Variants in ATRNL1 observed in about 807,000 individuals in gnomAD.
ATRNL1 encodes the protein attractin-like protein 1.
Under a neutral mutation model 182.7 loss-of-function variants are expected in ATRNL1, and 95 were observed. The ratio of observed to expected loss-of-function variants is 0.52; its 90% CI spans 0.44 to 0.62. The LOEUF (loss-of-function observed/expected upper bound fraction) is 0.62, where lower values mean the gene tolerates loss of function less well. Among genes scored for constraint, ATRNL1 ranks in the 20% least tolerant of loss-of-function variants. The probability of loss-of-function intolerance (pLI) is 0.00; values close to 1 mark genes in which losing one functional copy is unlikely to be tolerated. For synonymous variants in ATRNL1, 576 were observed against 568.3 expected, an observed-to-expected ratio of 1.01 and a Z score of -0.19; for missense variants, 1,471 against 1,679.5, an observed-to-expected ratio of 0.88 and a Z score of 2.17.
At chr10:115,423,637 C>T (rs920416241) in intron 20 of ATRNL1, among the ~76,000 whole-genome samples, 11 of 152,158 alleles carry the variant, frequency 7.2e-5, no homozygotes, top group African/African-American at 2.2e-4. Context: ...CGCATGTATA[C>T]CATCTGATTT....
intron 28 of ATRNL1, among the ~76,000 whole-genome samples, chr10:115,907,647 C>A (rs115701632): frequency 0.013 from 1,978 of 152,128 alleles, 32 homozygotes; most frequent in African/African-American, 0.044. Flanking sequence ...TTAGAATTCC[C>A]AAGTAAGCAG....
At chr10:115,653,764 T>C (rs1555034985) in intron 26 of ATRNL1, among the ~76,000 whole-genome samples, 1 of 152,200 alleles carries the variant, frequency 6.6e-6, no homozygotes, top group Non-Finnish European at 1.5e-5. Context: ...TTTGCAAATA[T>C]TGTGTCTTAT....
rs999204742 is a variant in ATRNL1 at position 115,709,888 on chromosome 10, G to T, written c.3796-17360G>T. ...TGTTTATGCTACTTACTTGACAACT[G>T]ATTGAACACTTGTAATTCTGAGTTG... is the stretch of plus-strand genomic sequence containing the variant. On this transcript the variant is annotated intron_variant, in intron 26 of 28. Transcript: ENST00000355044. 2.0e-5 allele frequency among the ~76,000 whole-genome samples: 3 copies of T among 152,064 alleles called. No homozygotes were observed. The East Asian group carries it at 5.8e-4, about 30-fold the overall frequency.
At chr10:115,282,969 C>T (rs983127732) in intron 14 of ATRNL1, among the ~76,000 whole-genome samples, 8 of 152,044 alleles carry the variant, frequency 5.3e-5, no homozygotes, top group African/African-American at 1.9e-4. Context: ...TATCCCTCCC[C>T]TAGCCCCCTA....
chr10:115,550,073 C>G (rs573465283), intron 26 of ATRNL1, among the ~76,000 whole-genome samples: 1 of 151,598 alleles, frequency 6.6e-6, no homozygotes, highest in Non-Finnish European at 1.5e-5. Flanking sequence ...TTCTCGTAAT[C>G]CTAAAATTGA....
At chr10:115,707,238 CAG>C (rs1946928751) in intron 26 of ATRNL1, among the ~76,000 whole-genome samples, 3 of 151,608 alleles carry the variant, frequency 2.0e-5, no homozygotes, top group African/African-American at 7.2e-5. Flanking sequence ...CTAAACAATT[CAG>C]AGACATCAAA....
intron 28 of ATRNL1, among the ~76,000 whole-genome samples, chr10:115,899,267 A>C (rs1462489189): frequency 1.3e-5 from 2 of 152,038 alleles, no homozygotes; most frequent in Non-Finnish European, 2.9e-5. Context: ...TAGTTTGCTG[A>C]GAATGATGGT....
intron 28 of ATRNL1, among the ~76,000 whole-genome samples, chr10:115,902,866 G>T (rs1952397046): frequency 6.6e-6 from 1 of 152,188 alleles, no homozygotes; most frequent in Admixed American, 6.5e-5. Flanking sequence ...GCTTCTGGAG[G>T]CAGAGGTGAG....
intron 28 of ATRNL1, among the ~76,000 whole-genome samples, chr10:115,927,302 T>G: frequency 6.6e-6 from 1 of 152,164 alleles, no homozygotes; most frequent in East Asian, 1.9e-4. Flanking sequence ...GCCAATATCA[T>G]ATTGAATGGG....
intron 12 of ATRNL1, among the ~76,000 whole-genome samples, chr10:115,267,433 A>G (rs1241945624): frequency 6.6e-6 from 1 of 151,796 alleles, no homozygotes; most frequent in African/African-American, 2.4e-5. Flanking sequence ...GCATTTCATG[A>G]CTAATGATCT....
intron 20 of ATRNL1, among the ~76,000 whole-genome samples, chr10:115,397,709 T>C (rs2485966): frequency 0.69 from 105,007 of 151,758 alleles, 37,263 homozygotes; most frequent in Non-Finnish European, 0.76. Context: ...CAAGGGGAAA[T>C]GCATCAATAA....
At chr10:115,466,066 T>A (rs769848446) in intron 22 of ATRNL1, among the ~76,000 whole-genome samples, 5 of 151,438 alleles carry the variant, frequency 3.3e-5, no homozygotes, top group Non-Finnish European at 7.4e-5. Flanking sequence ...AGCCTTTGCT[T>A]TTTATGATGT....
At chr10:115,515,425 C>CT (rs1850589041) in intron 24 of ATRNL1, among the ~76,000 whole-genome samples, 1 of 150,564 alleles carries the variant, frequency 6.6e-6, no homozygotes, top group African/African-American at 2.4e-5. Context: ...ACTCAGAACT[C>CT]TGTCCCTTGG....
intron 5 of ATRNL1, among the ~76,000 whole-genome samples, chr10:115,157,876 A>G (rs1846597555): frequency 6.6e-6 from 1 of 152,122 alleles, no homozygotes; most frequent in South Asian, 2.1e-4. Flanking sequence ...TTTGATAAAT[A>G]TATTGGTGAT....
intron 26 of ATRNL1, among the ~76,000 whole-genome samples, chr10:115,661,890 G>A (rs373988441): frequency 5.3e-5 from 8 of 151,502 alleles, no homozygotes; most frequent in East Asian, 3.9e-4. Flanking sequence ...TATTTAACAC[G>A]AGGTATATCT....
chr10:115,464,522 C>A (rs1036489707), intron 22 of ATRNL1, among the ~76,000 whole-genome samples: 4 of 151,868 alleles, frequency 2.6e-5, no homozygotes, highest in Non-Finnish European at 5.9e-5. Context: ...TTCAGTACAG[C>A]TTTTTAAATC....
intron 8 of ATRNL1, among the ~76,000 whole-genome samples, chr10:115,192,257 T>C (rs1414110031): frequency 6.6e-6 from 1 of 152,120 alleles, no homozygotes; most frequent in Non-Finnish European, 1.5e-5. Context: ...TAATCCATTT[T>C]GATTTTATTT....
intron 7 of ATRNL1, among the ~76,000 whole-genome samples, chr10:115,167,350 T>C (rs1847093702): frequency 6.6e-6 from 1 of 152,062 alleles, no homozygotes; most frequent in South Asian, 2.1e-4. Context: ...TCCTACTTTG[T>C]TTTTATTTCT....
chr10:115,754,023 G>C (rs1555071316), intron 27 of ATRNL1, among the ~76,000 whole-genome samples: 1 of 152,046 alleles, frequency 6.6e-6, no homozygotes, highest in African/African-American at 2.4e-5. Context: ...TAATGGGGTT[G>C]TTTTCTTCTT....
Sources: allele counts gnomAD v4.1 joint callset (sites outside exome capture counted in the v4.1 genomes callset), GRCh38; gene constraint gnomAD v4.1.1; transcripts MANE v1.5; gene names NCBI Gene and HGNC (gene_info 2026-07-23, HGNC 2026-07-21).